The following TMEM209 variants were observed in gnomAD, a reference collection of about 807,000 sequenced individuals.
TMEM209 encodes transmembrane protein 209, also known as testicular tissue protein Li 202.
A neutral mutation model predicts 76.2 loss-of-function variants in TMEM209; 65 were observed. That is an observed-to-expected ratio of 0.85 (90% CI 0.70 to 1.05). TMEM209 has a LOEUF of 1.05. Among genes scored for constraint, TMEM209 ranks in the 50% least tolerant of loss-of-function variants. TMEM209 has a pLI of 0.00. For missense variants in TMEM209, 623 were observed against 685.5 expected, an observed-to-expected ratio of 0.91 and a Z score of 1.02; for synonymous variants, 239 against 237.6, an observed-to-expected ratio of 1.01 and a Z score of -0.06.
chr7:130,175,656 A>G (rs1039198684), intron 10 of TMEM209, 47 bp from the exon 11 acceptor site: 15 of 1,453,208 alleles, frequency 1.0e-5, no homozygotes, highest in African/African-American at 1.4e-5. Context: ...TATGCAAAAA[A>G]GAAAAGAAAA....
At chr7:130,182,683 G>T (rs572280300) in intron 8 of TMEM209, among the ~76,000 whole-genome samples, 2 of 152,254 alleles carry the variant, frequency 1.3e-5, no homozygotes, top group South Asian at 4.1e-4. Flanking sequence ...TGTGTTTGTA[G>T]CAACTTCAAT....
intron 9 of TMEM209, 121 bp downstream of exon 9, chr7:130,181,502 A>G (rs1797411142): frequency 1.4e-6 from 1 of 738,506 alleles, no homozygotes; most frequent in Non-Finnish European, 2.3e-6. Flanking sequence ...AAACTAGATT[A>G]TAGACATTTG....
Position 130,202,769 on chromosome 7 carries a change from C to T in TMEM209, c.200-106G>A, listed in dbSNP as rs961105169. 2.4e-5 allele frequency: 30 copies of T among 1,243,910 alleles called. No individual in the cohort carries two copies. In the Admixed American group the frequency reaches 6.4e-4, roughly 27 times the overall value. 77.1% of individuals were successfully genotyped at this position (1,243,910 alleles called of 1,614,324 possible). A position where few individuals can be genotyped will look rare whatever the true frequency, so the allele number is the denominator to read the frequency against. ...AAACTAAAATTACCTTCTTATTCCT[C>T]ATAAAAACTATAATTTAATGAATGT... On this transcript the variant is annotated intron_variant, in intron 3 of 14. Transcript: ENST00000397622.
At chr7:130,201,159 T>C (rs528825738) in intron 5 of TMEM209, among the ~76,000 whole-genome samples, 57 of 146,318 alleles carry the variant, frequency 3.9e-4, no homozygotes, top group Non-Finnish European at 7.1e-4. Flanking sequence ...GTCAGTTTCA[T>C]CTCCAGAGAC....
chr7:130,175,356 G>C (rs1253449898), intron 11 of TMEM209, 156 bp downstream of exon 11: 2 of 595,646 alleles, frequency 3.4e-6, no homozygotes, highest in East Asian at 3.1e-5. Flanking sequence ...AGCTACTTGG[G>C]AGGCTGAGCT....
Position 130,170,428 on chromosome 7 carries a change from TGATGTAGA to T in TMEM209, c.1595_1602del (p.Leu532HisfsTer13). The stretch of plus-strand genomic sequence containing the variant: ...AGCATTCCTGACTCTTTGGTCTTTA[TGATGTAGA>T]GAAACATCAACAATGTATGAAACAT... On this transcript the variant is annotated frameshift_variant, in exon 14 of 15. Transcript: ENST00000397622. LOFTEE classifies it high-confidence loss of function. The T allele has an allele frequency of 6.2e-7, 1 of 1,613,214 alleles. No homozygotes were observed. Among genetic ancestry groups the T allele is most frequent in the Non-Finnish European group, 8.5e-7 (1 of 1,179,732 alleles).
At chr7:130,205,085 T>C (rs1798394799) in intron 1 of TMEM209, 3 of 1,403,726 alleles carry the variant, frequency 2.1e-6, no homozygotes, top group Non-Finnish European at 2.8e-6. Context: ...TTACAGACCG[T>C]GCAAAACTTG....
At position 130,166,522 on chromosome 7, in the gene TMEM209, A is replaced by T. The variant is rs1461217953; in HGVS notation, c.1632-17T>A. On this transcript the variant is annotated splice_polypyrimidine_tract_variant and intron_variant, in intron 14 of 14. Coordinates refer to ENST00000397622, the MANE Select transcript of TMEM209 (RefSeq NM_032842.4). ...TTAACTCTCCTATAAAGAGAAAAAA[A>T]ATTTTTATTAGAATTGGTTGCCAAG... is the stretch of plus-strand genomic sequence containing the variant. 5 of 1,492,476 alleles carry T rather than the reference A, an allele frequency of 3.4e-6. No homozygotes were observed. Among genetic ancestry groups the T allele is most frequent in the Non-Finnish European group, 4.5e-6 (5 of 1,123,094 alleles). The allele number at this position is 1,492,476 out of a possible 1,614,324, so 92.5% of individuals were successfully genotyped here. A position where few individuals can be genotyped will look rare whatever the true frequency, so the allele number is the denominator to read the frequency against.
At chr7:130,183,555 G>A (rs369687871) in intron 8 of TMEM209, among the ~76,000 whole-genome samples, 1 of 152,196 alleles carries the variant, frequency 6.6e-6, no homozygotes, top group African/African-American at 2.4e-5. Context: ...GTTGAAGGAT[G>A]AAACAACAGA....
chr7:130,193,527 G>GA (rs1218563371), intron 5 of TMEM209, among the ~76,000 whole-genome samples: 1 of 150,132 alleles, frequency 6.7e-6, no homozygotes, highest in Non-Finnish European at 1.5e-5. Context: ...CAATAAAAGC[G>GA]AAACTCCATC....
intron 6 of TMEM209, among the ~76,000 whole-genome samples, chr7:130,190,451 G>T (rs1797755047): frequency 6.6e-6 from 1 of 151,458 alleles, no homozygotes; most frequent in South Asian, 2.1e-4. Context: ...CTGGGAGGCA[G>T]AAGTTGCAGT....
At chr7:130,167,123 A>G (rs1796907473) in intron 14 of TMEM209, among the ~76,000 whole-genome samples, 1 of 152,172 alleles carries the variant, frequency 6.6e-6, no homozygotes, top group Admixed American at 6.5e-5. Context: ...AGAGAGCTGT[A>G]TACCTCTATT....
intron 6 of TMEM209, among the ~76,000 whole-genome samples, chr7:130,185,666 T>G (rs1337831764): frequency 1.3e-5 from 2 of 152,226 alleles, no homozygotes; most frequent in African/African-American, 4.8e-5. Flanking sequence ...TTTAAATCAT[T>G]TAGTAAGAAA....
At chr7:130,202,768 T>C (rs1798264440) in intron 3 of TMEM209, 105 bp from the exon 4 acceptor site, 2 of 1,247,206 alleles carry the variant, frequency 1.6e-6, no homozygotes, top group East Asian at 2.7e-5. Flanking sequence ...TTCTTATTCC[T>C]CATAAAAACT....
intron 14 of TMEM209, among the ~76,000 whole-genome samples, chr7:130,168,789 G>C (rs1258371166): frequency 6.6e-6 from 1 of 152,054 alleles, no homozygotes; most frequent in Non-Finnish European, 1.5e-5. Context: ...CACATAATTA[G>C]AAATTAGTTC....
intron 6 of TMEM209, among the ~76,000 whole-genome samples, chr7:130,188,182 TAAAG>T (rs781656855): frequency 3.3e-5 from 5 of 152,166 alleles, no homozygotes; most frequent in Non-Finnish European, 5.9e-5. Flanking sequence ...TAGACATTAC[TAAAG>T]AAAGAGCTGA....
rs375826066 is a variant in TMEM209 at position 130,173,886 on chromosome 7, C to G, written c.1398G>C (p.Pro466=). The G allele has an allele frequency of 1.2e-6, 2 of 1,613,814 alleles. No homozygotes were observed. The highest frequency in any genetic ancestry group is 1.3e-5 in the African/African-American group (1 of 75,030). The change falls in exon 12 of 15, where the codon CCG becomes CCC. Residue 466 remains proline (P), a synonymous_variant. Transcript: ENST00000397622. ...TYLDSRLPPH[P]KYPDGKTFTS... is the part of the protein sequence containing the mutation. ...TAAAAGTTTTTCCGTCGGGATACTT[C>G]GGATGTGGAGGTAATCTGGAATCAA...
At chr7:130,174,394 G>C (rs1322641753) in intron 11 of TMEM209, among the ~76,000 whole-genome samples, 2 of 152,112 alleles carry the variant, frequency 1.3e-5, no homozygotes, top group African/African-American at 4.8e-5. Flanking sequence ...AATCTGTTGA[G>C]GGTAGGGGTG....
chr7:130,173,458 T>C (rs182394063), intron 13 of TMEM209, among the ~76,000 whole-genome samples, 174 bp downstream of exon 13: 12 of 152,330 alleles, frequency 7.9e-5, no homozygotes, highest in African/African-American at 2.2e-4. Flanking sequence ...TTCTTTATAC[T>C]TTCCCCAAAT....
Sources: allele counts gnomAD v4.1 joint callset (sites outside exome capture counted in the v4.1 genomes callset), GRCh38; gene constraint gnomAD v4.1.1; transcripts MANE v1.5; gene names NCBI Gene and HGNC (gene_info 2026-07-23, HGNC 2026-07-21).